VWA8: variants seen among roughly 807,000 people sequenced by gnomAD.
VWA8 encodes von Willebrand factor A domain-containing protein 8.
In VWA8, 221 loss-of-function variants were observed where a neutral mutation model predicts 241.5. The observed-to-expected ratio is 0.91, with a 90% CI of 0.82 to 1.02. The LOEUF (loss-of-function observed/expected upper bound fraction) is 1.02, where lower values mean the gene tolerates loss of function less well. VWA8 is among the 50% of genes least tolerant of loss of function. The pLI, the probability that VWA8 is intolerant of heterozygous loss-of-function variation, is 0.00. For synonymous variants in VWA8, 852 were observed against 827.1 expected (o/e 1.03, Z -0.52); for missense variants, 2,322 against 2,328.7 (o/e 1.00, Z 0.06).
intron 12 of VWA8, among the ~76,000 whole-genome samples, chr13:41,859,635 A>C (rs1872918458): frequency 6.6e-6 from 1 of 152,206 alleles, no homozygotes; most frequent in South Asian, 2.1e-4. Flanking sequence ...CTTCAACACT[A>C]TGAAATCACT....
intron 44 of VWA8, among the ~76,000 whole-genome samples, chr13:41,569,756 T>C (rs1437477266): frequency 6.6e-6 from 1 of 151,928 alleles, no homozygotes; most frequent in Non-Finnish European, 1.5e-5. Flanking sequence ...AAAAGATAAA[T>C]GTTATTGTGT....
intron 12 of VWA8, among the ~76,000 whole-genome samples, chr13:41,855,789 T>C (rs1465673356): frequency 1.3e-5 from 2 of 152,154 alleles, no homozygotes; most frequent in Admixed American, 1.3e-4. Context: ...TTTTACTATG[T>C]ATGAATTATA....
intron 2 of VWA8, among the ~76,000 whole-genome samples, chr13:41,948,524 T>G (rs952863498): frequency 6.6e-6 from 1 of 152,194 alleles, no homozygotes; most frequent in Non-Finnish European, 1.5e-5. Flanking sequence ...ATGAATTATA[T>G]CTCAATAAAA....
At chr13:41,792,762 T>A (rs1266525824) in intron 17 of VWA8, among the ~76,000 whole-genome samples, 1 of 152,052 alleles carries the variant, frequency 6.6e-6, no homozygotes, top group Non-Finnish European at 1.5e-5. Context: ...GATGTATACT[T>A]TTCTCCATTA....
intron 43 of VWA8, among the ~76,000 whole-genome samples, chr13:41,574,188 A>AAG (rs1183950622): frequency 2.0e-5 from 3 of 151,582 alleles, no homozygotes; most frequent in Non-Finnish European, 4.4e-5. Context: ...AAAAAAAAAA[A>AAG]AGAAAACCCT....
At chr13:41,734,797 T>C (rs2045512669) in intron 21 of VWA8, among the ~76,000 whole-genome samples, 1 of 152,192 alleles carries the variant, frequency 6.6e-6, no homozygotes. Context: ...GAATCTAATT[T>C]TGTTTATCTT....
At chr13:41,805,972 CACAAA>C (rs1437596393) in intron 17 of VWA8, among the ~76,000 whole-genome samples, 1 of 144,682 alleles carries the variant, frequency 6.9e-6, no homozygotes, top group East Asian at 2.0e-4. Context: ...TATATTAGGC[CACAAA>C]ACAAGTCTTA....
At chr13:41,845,911 C>T (rs1270833989) in intron 12 of VWA8, among the ~76,000 whole-genome samples, 1 of 152,124 alleles carries the variant, frequency 6.6e-6, no homozygotes, top group Non-Finnish European at 1.5e-5. Context: ...ACCATTCATA[C>T]CCCAAACCAA....
chr13:41,692,819 A>C, intron 30 of VWA8, 43 bp downstream of exon 30: 1 of 1,519,186 alleles, frequency 6.6e-7, no homozygotes, highest in Non-Finnish European at 9.1e-7. Context: ...AGAAAGCTAT[A>C]GAAATCCTTG....
chr13:41,865,426 C>G (rs1220748345), intron 12 of VWA8: 1 of 315,114 alleles, frequency 3.2e-6, no homozygotes, highest in African/African-American at 2.2e-5. Context: ...CTCCCACCTA[C>G]CTGTATTTTT....
In VWA8 at chr13:41,949,200, C is replaced by T. The variant is rs568979844; in HGVS notation, c.241+736G>A. Reference sequence around the variant, plus strand: ...TACTTAAGATCTGTGCATCTGTTCACGATAGCAAAGACTTGGAACCAACCC... The same window carrying T: ...TACTTAAGATCTGTGCATCTGTTCATGATAGCAAAGACTTGGAACCAACCC... On this transcript the variant is annotated intron_variant, in intron 2 of 44. Transcript: ENST00000379310. Among the ~76,000 whole-genome samples the T allele has an allele frequency of 1.6e-4, 25 of 151,880 alleles. No individual in the cohort carries two copies. The East Asian group carries it at 4.6e-3, about 28-fold the overall frequency.
intron 37 of VWA8, among the ~76,000 whole-genome samples, chr13:41,624,137 C>G (rs2044674175): frequency 6.6e-6 from 1 of 152,064 alleles, no homozygotes; most frequent in South Asian, 2.1e-4. Flanking sequence ...AATTGAATAC[C>G]TGAACAGACC....
chr13:41,848,410 C>T (rs1237527974), intron 12 of VWA8, among the ~76,000 whole-genome samples: 2 of 152,170 alleles, frequency 1.3e-5, no homozygotes, highest in East Asian at 3.9e-4. Flanking sequence ...GCTGTGTCCC[C>T]ACCCAAATCT....
chr13:41,814,268 C>T (rs1475413524), intron 16 of VWA8, among the ~76,000 whole-genome samples: 2 of 152,060 alleles, frequency 1.3e-5, no homozygotes, highest in Non-Finnish European at 2.9e-5. Context: ...AATACAACTG[C>T]AATAGGTCAA....
chr13:41,775,158 AT>A (rs1566452165), intron 20 of VWA8, among the ~76,000 whole-genome samples: 2 of 152,248 alleles, frequency 1.3e-5, no homozygotes, highest in Non-Finnish European at 2.9e-5. Context: ...AGGACATCAA[AT>A]GACAGTCTAA....
At chr13:41,901,913 T>TATATATATATATAC (rs1268681139) in intron 4 of VWA8, among the ~76,000 whole-genome samples, 1 of 64,030 alleles carries the variant, frequency 1.6e-5, no homozygotes, top group African/African-American at 4.7e-5. Flanking sequence ...TATATATATA[T>TATATATATATATAC]ACACACACAT....
chr13:41,659,486 T>TATTACTACC (rs2044933956), intron 37 of VWA8, among the ~76,000 whole-genome samples: 1 of 152,366 alleles, frequency 6.6e-6, no homozygotes, highest in East Asian at 1.9e-4. Context: ...CTATTACTAC[T>TATTACTACC]ATTACTACCA....
intron 37 of VWA8, among the ~76,000 whole-genome samples, chr13:41,669,189 G>A (rs1430850427): frequency 6.6e-6 from 1 of 152,150 alleles, no homozygotes; most frequent in Non-Finnish European, 1.5e-5. Context: ...AAAATGTTTG[G>A]TTTAGGGAAA....
intron 21 of VWA8, among the ~76,000 whole-genome samples, chr13:41,755,086 C>A (rs1399236707): frequency 1.3e-5 from 2 of 151,926 alleles, no homozygotes; most frequent in African/African-American, 4.8e-5. Flanking sequence ...GTGCAGATGT[C>A]CCTTCAATAT....
Sources: gnomAD v4.1 joint callset for allele counts (sites outside exome capture counted in the v4.1 genomes callset) on GRCh38, gnomAD v4.1.1 for gene constraint, MANE v1.5 for transcripts, NCBI Gene and HGNC (gene_info 2026-07-23, HGNC 2026-07-21) for gene names.